The following SHISA9 variants were observed in gnomAD, a reference collection of about 807,000 sequenced individuals.
SHISA9 encodes the protein protein shisa-9.
A neutral mutation model predicts 38.0 loss-of-function variants in SHISA9; 13 were observed. The observed-to-expected ratio is 0.34, with a 90% CI of 0.22 to 0.54. The LOEUF (loss-of-function observed/expected upper bound fraction) is 0.54. Ranked by LOEUF, SHISA9 falls within the 20% of genes least tolerant of loss-of-function variation. The pLI is 0.91. For synonymous variants in SHISA9, 275 were observed against 242.0 expected (o/e 1.14, Z -1.27); for missense variants, 538 against 575.8 (o/e 0.93, Z 0.67).
chr16:12,941,509 A>G (rs2071611298), intron 2 of SHISA9, among the ~76,000 whole-genome samples: 1 of 152,246 alleles, frequency 6.6e-6, no homozygotes, highest in African/African-American at 2.4e-5. Context: ...TCAAGCATTT[A>G]TCATTTGTGT....
At chr16:13,261,814 C>T in the SHISA9 span, among the ~76,000 whole-genome samples, 2 of 152,082 alleles carry the variant, frequency 1.3e-5, no homozygotes, top group African/African-American at 4.8e-5. Context: ...AGGACTGTGA[C>T]AAAGAAAACT....
chr16:12,999,942 C>A (rs2072503688), intron 2 of SHISA9, among the ~76,000 whole-genome samples: 1 of 152,186 alleles, frequency 6.6e-6, no homozygotes, highest in Non-Finnish European at 1.5e-5. Flanking sequence ...AGTTATTCAG[C>A]TATGTGCATG....
At chr16:12,965,879 T>C (rs1291271488) in intron 2 of SHISA9, among the ~76,000 whole-genome samples, 6 of 152,248 alleles carry the variant, frequency 3.9e-5, no homozygotes, top group South Asian at 2.1e-4. Context: ...GTGTTTTTCA[T>C]TGAAGAAATA....
At chr16:13,090,302 T>C (rs1487002459) in intron 2 of SHISA9, among the ~76,000 whole-genome samples, 1 of 152,212 alleles carries the variant, frequency 6.6e-6, no homozygotes, top group Non-Finnish European at 1.5e-5. Context: ...GAGAGTTCTG[T>C]AGATATCTGT....
chr16:12,955,971 AC>A (rs2071827936), intron 2 of SHISA9, among the ~76,000 whole-genome samples: 1 of 152,206 alleles, frequency 6.6e-6, no homozygotes, highest in Admixed American at 6.5e-5. Context: ...TACACAGACA[AC>A]CTACAGAATG....
At chr16:13,252,043 A>G in the SHISA9 span, among the ~76,000 whole-genome samples, 1 of 152,260 alleles carries the variant, frequency 6.6e-6, no homozygotes, top group Non-Finnish European at 1.5e-5. Flanking sequence ...CCCTTAAGAC[A>G]GATCACAACG....
chr16:13,235,408 G>T lies in SHISA9; in HGVS notation c.1274G>T (p.Ter425LeuextTer14). The change falls in exon 5 of 5, where the codon TGA becomes TTA. Residue 425 changes from the stop codon to leucine, a stop_lost. Transcript: ENST00000558583. ...AACAGCAAAACAGAAGTGACTGTCT[G>T]AGCTTTCACCACAGGGAGCACCCTG... ...ITNSKTEVTV[*>L] 6.5e-7 allele frequency: 1 copy of T among 1,535,060 alleles called. No homozygotes were observed. The highest frequency in any genetic ancestry group is 8.7e-7 in the Non-Finnish European group (1 of 1,145,270).
At chr16:13,093,319 A>G (rs74647623) in intron 2 of SHISA9, among the ~76,000 whole-genome samples, 2,761 of 152,256 alleles carry the variant, frequency 0.018, 80 homozygotes, top group African/African-American at 0.062. Flanking sequence ...GCCACTTACT[A>G]GTTGGTGATC....
At chr16:13,189,161 T>G (rs1056761865) in intron 2 of SHISA9, among the ~76,000 whole-genome samples, 11 of 152,228 alleles carry the variant, frequency 7.2e-5, no homozygotes, top group Admixed American at 7.2e-4. Context: ...TTCCATTGTT[T>G]AAGCCACTCC....
the SHISA9 span, among the ~76,000 whole-genome samples, chr16:13,523,491 A>G: frequency 6.6e-6 from 1 of 152,216 alleles, no homozygotes; most frequent in Non-Finnish European, 1.5e-5. Context: ...ATTCATTCAT[A>G]GTTCTGCAGA....
chr16:13,258,614 G>C, the SHISA9 span, among the ~76,000 whole-genome samples: 6 of 152,334 alleles, frequency 3.9e-5, no homozygotes, highest in East Asian at 1.2e-3. Context: ...AAGAGGCTTA[G>C]TTTGATTTAC....
intron 2 of SHISA9, among the ~76,000 whole-genome samples, chr16:13,035,797 A>G (rs1224540587): frequency 6.6e-6 from 1 of 152,178 alleles, no homozygotes; most frequent in Non-Finnish European, 1.5e-5. Flanking sequence ...TTCCATCATA[A>G]AGATCTGGGA....
At chr16:13,111,344 CA>C (rs35569425) in intron 2 of SHISA9, among the ~76,000 whole-genome samples, 80,524 of 137,740 alleles carry the variant, frequency 0.58, 22,756 homozygotes, top group African/African-American at 0.67. Flanking sequence ...AAACAAATTA[CA>C]AAAAAAAAAA....
chr16:13,306,662 C>T, the SHISA9 span, among the ~76,000 whole-genome samples: 2 of 152,112 alleles, frequency 1.3e-5, no homozygotes, highest in African/African-American at 2.4e-5. Context: ...GGTCTCAGTT[C>T]CTCTCCATCA....
chr16:13,285,303 C>A, the SHISA9 span, among the ~76,000 whole-genome samples: 5 of 152,006 alleles, frequency 3.3e-5, no homozygotes, highest in African/African-American at 1.2e-4. Flanking sequence ...TAGATTCATT[C>A]CAATGTGTGG....
chr16:13,181,172 T>A (rs1352573003), intron 2 of SHISA9, among the ~76,000 whole-genome samples: 1 of 150,596 alleles, frequency 6.6e-6, no homozygotes, highest in Non-Finnish European at 1.5e-5. Context: ...TTTTTGTTGT[T>A]TATATAATCA....
chr16:12,918,930 C>A (rs559475376), intron 2 of SHISA9, among the ~76,000 whole-genome samples: 1 of 152,196 alleles, frequency 6.6e-6, no homozygotes, highest in South Asian at 2.1e-4. Flanking sequence ...ACCTTTTCAC[C>A]GGTTTATATT....
At chr16:13,240,961 A>G (rs1451596113), downstream of SHISA9, among the ~76,000 whole-genome samples, 3 of 152,118 alleles carry the variant, frequency 2.0e-5, no homozygotes, top group African/African-American at 4.8e-5. Context: ...GGGAGGTTCA[A>G]TAAGGAAGGC....
chr16:13,020,751 A>T (rs2072842473), intron 2 of SHISA9, among the ~76,000 whole-genome samples: 1 of 152,222 alleles, frequency 6.6e-6, no homozygotes, highest in Admixed American at 6.5e-5. Context: ...ATTAGGATCC[A>T]AACATACTAA....
Sources: allele counts gnomAD v4.1 joint callset (sites outside exome capture counted in the v4.1 genomes callset), GRCh38; gene constraint gnomAD v4.1.1; transcripts MANE v1.5; gene names NCBI Gene and HGNC (gene_info 2026-07-23, HGNC 2026-07-21).